Variants in TMEM71 observed in about 807,000 individuals in gnomAD.
TMEM71 encodes the protein transmembrane protein 71.
In TMEM71, 44 loss-of-function variants were observed where a neutral mutation model predicts 38.0. The ratio of observed to expected loss-of-function variants is 1.16; its 90% CI spans 0.91 to 1.49. TMEM71 has a LOEUF of 1.49. TMEM71 is among the 40% of genes most tolerant of loss of function. TMEM71 has a pLI of 0.00. For synonymous variants in TMEM71, 133 were observed against 122.5 expected, an observed-to-expected ratio of 1.09 and a Z score of -0.56; for missense variants, 367 against 348.6, an observed-to-expected ratio of 1.05 and a Z score of -0.42.
At chr8:132,754,647 G>C (rs1216941345) in intron 3 of TMEM71, among the ~76,000 whole-genome samples, 2 of 152,144 alleles carry the variant, frequency 1.3e-5, no homozygotes, top group Non-Finnish European at 2.9e-5. Flanking sequence ...TTGCCTAAGG[G>C]TGGTAAGCTA....
At position 132,714,150 on chromosome 8, in the gene TMEM71, T is replaced by A; in HGVS notation, c.814+4A>T. The A allele has an allele frequency of 6.2e-7, 1 of 1,613,102 alleles. No homozygotes were observed. ...TTGCAGTAATCTGGGAAACAGTTAC[T>A]TACAAGCTACAGTTATCATCAATGA... On this transcript the variant is annotated splice_donor_region_variant and intron_variant, in intron 8 of 9. Coordinates refer to ENST00000677595, the MANE Select transcript of TMEM71 (RefSeq NM_001382403.1).
intron 5 of TMEM71, among the ~76,000 whole-genome samples, chr8:132,744,342 G>A (rs1366928672): frequency 6.6e-6 from 1 of 152,108 alleles, no homozygotes; most frequent in Non-Finnish European, 1.5e-5. Flanking sequence ...TCAACGTACA[G>A]AAATCAGTAG....
intron 6 of TMEM71, 124 bp downstream of exon 6, chr8:132,727,674 C>T: frequency 1.3e-6 from 1 of 792,474 alleles, no homozygotes; most frequent in Admixed American, 3.0e-5. Context: ...GGCCCCATGT[C>T]CTCCCTTCCT....
At chr8:132,757,141 CT>C (rs955760514) in intron 3 of TMEM71, 92 bp downstream of exon 3, 3 of 779,066 alleles carry the variant, frequency 3.9e-6, no homozygotes, top group Non-Finnish European at 6.4e-6. Flanking sequence ...CGTGATCCGC[CT>C]GCCTCGGCCT....
rs561541054 is a variant in TMEM71, at chr8:132,741,663, C to A, written c.487+5279G>T. Among the ~76,000 whole-genome samples, 13 of 152,168 alleles carry A rather than the reference C, an allele frequency of 8.5e-5. No individual in the cohort carries two copies. In the East Asian group the frequency reaches 2.3e-3, roughly 27 times the overall value. Reference sequence around the variant, plus strand: ...TGCCATTATTTCTGCATATCAGAGACTTTTAGTACCTTCACTAATTTACTA... The same window carrying A: ...TGCCATTATTTCTGCATATCAGAGAATTTTAGTACCTTCACTAATTTACTA... On this transcript the variant is annotated intron_variant, in intron 5 of 9. Transcript: ENST00000677595.
chr8:132,709,903 A>AATATATATATAC (rs1826155250), downstream of TMEM71: 1 of 151,988 alleles, frequency 6.6e-6, no homozygotes, highest in Non-Finnish European at 1.5e-5. Flanking sequence ...TTCTCAAAAA[A>AATATATATATAC]ATATATATAT....
Position 132,753,980 on chromosome 8 carries a change from C to T in TMEM71, c.102-1983G>A, listed in dbSNP as rs536427801. Among the ~76,000 whole-genome samples the T allele has an allele frequency of 6.6e-5, 10 of 152,226 alleles. No homozygotes were observed. In the South Asian group the frequency reaches 2.1e-3, roughly 32 times the overall value. ...GGTCCTCACTTCTCCATACTAAAAG[C>T]CCTCCAGTTCATTTAATTCATCTTT... On this transcript the variant is annotated intron_variant, in intron 3 of 9. Coordinates refer to ENST00000677595, the MANE Select transcript of TMEM71 (RefSeq NM_001382403.1).
chr8:132,774,008 A>G, the TMEM71 span, among the ~76,000 whole-genome samples: 7 of 152,234 alleles, frequency 4.6e-5, no homozygotes, highest in African/African-American at 1.7e-4. Flanking sequence ...TGGATGGTAG[A>G]GCAGCTATCA....
At chr8:132,748,660 A>G (rs1463754049) in intron 4 of TMEM71, among the ~76,000 whole-genome samples, 1 of 152,218 alleles carries the variant, frequency 6.6e-6, no homozygotes, top group Non-Finnish European at 1.5e-5. Context: ...GGAATTAGTA[A>G]TTTTTATTCA....
intron 9 of TMEM71, 56 bp downstream of exon 9, chr8:132,713,939 T>C: frequency 6.5e-7 from 1 of 1,547,362 alleles, no homozygotes; most frequent in East Asian, 2.3e-5. Context: ...CATTCTCAGA[T>C]ATCAAATTAT....
intron 5 of TMEM71, among the ~76,000 whole-genome samples, chr8:132,730,998 A>G (rs1026833066): frequency 2.0e-5 from 3 of 152,294 alleles, no homozygotes; most frequent in African/African-American, 7.2e-5. Context: ...CTAAAAAGAG[A>G]TGAAATATGG....
intron 5 of TMEM71, among the ~76,000 whole-genome samples, chr8:132,742,936 G>A (rs1828127887): frequency 6.6e-6 from 1 of 152,170 alleles, no homozygotes; most frequent in Non-Finnish European, 1.5e-5. Context: ...CGTCTTACAT[G>A]GATGGCAGCA....
chr8:132,730,660 G>A (rs1827402483), intron 5 of TMEM71, among the ~76,000 whole-genome samples: 1 of 151,928 alleles, frequency 6.6e-6, no homozygotes, highest in Admixed American at 6.6e-5. Context: ...GTTTTTTTGT[G>A]GTTATTTTAT....
At chr8:132,706,512 A>G (rs938528003), downstream of TMEM71, among the ~76,000 whole-genome samples, 6 of 152,058 alleles carry the variant, frequency 3.9e-5, no homozygotes, top group African/African-American at 1.5e-4. Context: ...CAATCTTTTT[A>G]GCATCTTGAT....
At chr8:132,713,860 C>G in intron 9 of TMEM71, 135 bp downstream of exon 9, 1 of 786,576 alleles carries the variant, frequency 1.3e-6, no homozygotes, top group South Asian at 1.7e-5. Flanking sequence ...TTAGCAGTAA[C>G]AGAAAGTAGT....
intron 5 of TMEM71, among the ~76,000 whole-genome samples, chr8:132,742,309 C>T (rs1828088029): frequency 1.3e-5 from 2 of 152,144 alleles, no homozygotes; most frequent in Admixed American, 6.5e-5. Flanking sequence ...TGGCTTGCCG[C>T]CCACACAGTG....
At chr8:132,747,214 C>T (rs1017411696) in intron 4 of TMEM71, 100 bp from the exon 5 acceptor site, 64 of 1,020,950 alleles carry the variant, frequency 6.3e-5, no homozygotes, top group Non-Finnish European at 7.7e-5. Flanking sequence ...CCCAAGTCTG[C>T]TCACTGCATT....
At chr8:132,769,075 C>T in the TMEM71 span, among the ~76,000 whole-genome samples, 1 of 152,174 alleles carries the variant, frequency 6.6e-6, no homozygotes, top group African/African-American at 2.4e-5. Flanking sequence ...GCTTGGCACA[C>T]CACAGATGTT....
intron 5 of TMEM71, among the ~76,000 whole-genome samples, chr8:132,740,109 G>A (rs2472224): frequency 0.3 from 45,311 of 152,030 alleles, 6,931 homozygotes; most frequent in Non-Finnish European, 0.33. Flanking sequence ...GAGTATGAAA[G>A]CAAAGCCTTT....
Sources: gnomAD v4.1 joint callset for allele counts (sites outside exome capture counted in the v4.1 genomes callset) on GRCh38, gnomAD v4.1.1 for gene constraint, MANE v1.5 for transcripts, NCBI Gene and HGNC (gene_info 2026-07-23, HGNC 2026-07-21) for gene names.